Variants in CUX1 observed in about 807,000 individuals in gnomAD.
The protein encoded by CUX1 is protein CASP.
In CUX1, 31 loss-of-function variants were observed where a neutral mutation model predicts 158.8. The observed-to-expected ratio is 0.20, with a 90% confidence interval of 0.15 to 0.26. CUX1 has a LOEUF of 0.26. Among genes scored for constraint, CUX1 ranks in the 10% least tolerant of loss-of-function variants. The probability of loss-of-function intolerance (pLI) is 1.00; values close to 1 mark genes in which losing one functional copy is unlikely to be tolerated. For synonymous variants in CUX1, 879 were observed against 862.1 expected (o/e 1.02, Z -0.34); for missense variants, 1,589 against 2,014.6 (o/e 0.79, Z 4.04).
intron 1 of CUX1, among the ~76,000 whole-genome samples, chr7:101,894,378 A>C (rs1801232679): frequency 6.6e-6 from 1 of 152,180 alleles, no homozygotes; most frequent in South Asian, 2.1e-4. Context: ...CAGCGGCACG[A>C]TCTCGGCTCA....
chr7:101,865,013 T>A (rs1353819600), intron 1 of CUX1, among the ~76,000 whole-genome samples: 5 of 152,252 alleles, frequency 3.3e-5, no homozygotes, highest in East Asian at 1.9e-4. Flanking sequence ...ATCTTTTTTT[T>A]AAATGTTTTG....
At chr7:102,202,245 TCTC>T (rs1554520052) in intron 18 of CUX1, 41 bp downstream of exon 18, 2 of 1,548,774 alleles carry the variant, frequency 1.3e-6, no homozygotes, top group South Asian at 2.5e-5. Flanking sequence ...TCCCATCTCT[TCTC>T]CTTGCTGAGG....
chr7:102,147,247 A>G (rs1420708447), intron 8 of CUX1, among the ~76,000 whole-genome samples: 1 of 152,140 alleles, frequency 6.6e-6, no homozygotes, highest in Non-Finnish European at 1.5e-5. Context: ...CCTTGGGTGG[A>G]AAACGAAAGA....
intron 1 of CUX1, among the ~76,000 whole-genome samples, chr7:101,864,134 G>T (rs540211118): frequency 2.0e-5 from 3 of 151,296 alleles, no homozygotes; most frequent in East Asian, 3.9e-4. Context: ...TTTCTCCACA[G>T]CCTCGCCAGC....
At chr7:102,052,402 C>T (rs1159038024) in intron 3 of CUX1, among the ~76,000 whole-genome samples, 7 of 152,038 alleles carry the variant, frequency 4.6e-5, no homozygotes, top group East Asian at 1.9e-4. Flanking sequence ...TTTTTGTTCC[C>T]GGCTTCTTTT....
chr7:101,913,558 AC>A, intron 1 of CUX1: 1 of 307,926 alleles, frequency 3.2e-6, no homozygotes, highest in Non-Finnish European at 5.4e-6. Context: ...GGGCCCACAG[AC>A]CCCCGGCTCA....
chr7:101,952,876 G>A (rs1809264181), intron 2 of CUX1, among the ~76,000 whole-genome samples: 3 of 152,212 alleles, frequency 2.0e-5, no homozygotes, highest in Non-Finnish European at 4.4e-5. Flanking sequence ...TGTCCTCTGC[G>A]GTCACTGACT....
chr7:102,007,848 G>A (rs1052731507), intron 2 of CUX1, among the ~76,000 whole-genome samples: 10 of 151,708 alleles, frequency 6.6e-5, no homozygotes, highest in East Asian at 1.9e-4. Flanking sequence ...GGGTTCAAGC[G>A]ATTCTACTGT....
chr7:101,912,773 C>T (rs760179631), intron 1 of CUX1, among the ~76,000 whole-genome samples: 49 of 152,116 alleles, frequency 3.2e-4, no homozygotes, highest in South Asian at 1.0e-3. Context: ...TTTTACATTA[C>T]AGGAAAATCT....
intron 6 of CUX1, among the ~76,000 whole-genome samples, chr7:102,109,862 A>G (rs1294451191): frequency 1.3e-5 from 2 of 152,156 alleles, no homozygotes; most frequent in Non-Finnish European, 2.9e-5. Context: ...TTCATCTCCA[A>G]CAGATTCACT....
intron 2 of CUX1, among the ~76,000 whole-genome samples, chr7:101,976,049 C>G (rs889869355): frequency 1.3e-5 from 2 of 152,096 alleles, no homozygotes; most frequent in African/African-American, 4.8e-5. Context: ...GGGAGAATCA[C>G]TTGAACCTGG....
chr7:102,000,914 G>A (rs1816607351), intron 2 of CUX1, among the ~76,000 whole-genome samples: 1 of 151,922 alleles, frequency 6.6e-6, no homozygotes, highest in Non-Finnish European at 1.5e-5. Context: ...GGGACTATAG[G>A]GTGTGCATCA....
intron 3 of CUX1, among the ~76,000 whole-genome samples, chr7:102,061,506 A>G (rs190162059): frequency 2.2e-4 from 33 of 152,252 alleles, no homozygotes; most frequent in Non-Finnish European, 4.4e-4. Context: ...TTTGATCTTG[A>G]CAGCAACCAA....
rs1283172557 is a variant in CUX1 at position 102,255,726 on chromosome 7, TCTG to T, written c.*6688_*6690del. The T allele has an allele frequency of 2.2e-5, 22 of 985,306 alleles. No individual in the cohort carries two copies. Among genetic ancestry groups the T allele is most frequent in the Admixed American group, 1.2e-4 (2 of 16,268 alleles). The allele number at this position is 985,306 out of a possible 1,614,324, so 61.0% of individuals were successfully genotyped here. A position where few individuals can be genotyped will look rare whatever the true frequency, so the allele number is the denominator to read the frequency against. The stretch of plus-strand genomic sequence containing the variant: ...CAGTGTGTACGGAAGCATTGGGACT[TCTG>T]CTGGTGAAACAAGAGACCATTCAGC... On this transcript the variant is annotated 3_prime_UTR_variant, in exon 24 of 24. Transcript: ENST00000292535.
chr7:102,059,631 C>CAA lies in CUX1; in HGVS notation c.190-10688_190-10687dup, dbSNP rs747660590. ...TGAGTGACAGAGTGAGACTTCATCT[C>CAA]AAAAAAAAAAAAAAAAAAAAATTTA... On this transcript the variant is annotated intron_variant, in intron 3 of 23. Transcript: ENST00000292535. Among the ~76,000 whole-genome samples, 764 of 88,172 alleles carry CAA rather than the reference C, an allele frequency of 8.7e-3. 9 individuals are homozygous for CAA. The highest frequency in any genetic ancestry group is 0.028 in the African/African-American group (722 of 25,464). 57.8% of individuals were successfully genotyped at this position (88,172 alleles called of 152,430 possible).
At chr7:101,980,974 G>C (rs1323950807) in intron 2 of CUX1, among the ~76,000 whole-genome samples, 1 of 152,134 alleles carries the variant, frequency 6.6e-6, no homozygotes, top group East Asian at 1.9e-4. Context: ...CTGCGTCTTT[G>C]GAAATTTCAG....
chr7:101,924,921 C>T (rs1584998070), intron 2 of CUX1, among the ~76,000 whole-genome samples: 1 of 152,106 alleles, frequency 6.6e-6, no homozygotes. Flanking sequence ...TCATCGGCTA[C>T]TCCTTGATAT....
intron 1 of CUX1, among the ~76,000 whole-genome samples, chr7:101,828,595 G>T (rs1176756220): frequency 6.6e-6 from 1 of 152,210 alleles, no homozygotes; most frequent in Non-Finnish European, 1.5e-5. Context: ...GTCAGCATCG[G>T]AGGAATGTCT....
chr7:102,259,103 G>A (rs149863720), downstream of CUX1, among the ~76,000 whole-genome samples: 19 of 152,304 alleles, frequency 1.2e-4, no homozygotes, highest in East Asian at 5.8e-4. Context: ...ATACAGAATC[G>A]TAAGCCCCTC....
Sources: allele counts gnomAD v4.1 joint callset (sites outside exome capture counted in the v4.1 genomes callset), GRCh38; gene constraint gnomAD v4.1.1; transcripts MANE v1.5; gene names NCBI Gene and HGNC (gene_info 2026-07-23, HGNC 2026-07-21).